KIF26B: variants seen among roughly 807,000 people sequenced by gnomAD.
KIF26B encodes the protein kinesin-like protein KIF26B.
Under a neutral mutation model 151.2 loss-of-function variants are expected in KIF26B, and 63 were observed. That is an observed-to-expected ratio of 0.42 (90% CI 0.34 to 0.51). KIF26B has a LOEUF of 0.51. Among genes scored for constraint, KIF26B ranks in the 20% least tolerant of loss-of-function variants. KIF26B has a pLI of 0.07. For synonymous variants in KIF26B, 1,357 were observed against 1,262.1 expected, an observed-to-expected ratio of 1.08 and a Z score of -1.59; for missense variants, 2,813 against 2,913.6, an observed-to-expected ratio of 0.97 and a Z score of 0.79.
chr1:245,443,607 C>G (rs112342743), intron 4 of KIF26B, among the ~76,000 whole-genome samples: 2 of 95,142 alleles, frequency 2.1e-5, no homozygotes, highest in African/African-American at 7.1e-5. Flanking sequence ...TCACCTAGAG[C>G]GGTCATCTCC....
chr1:245,528,399 CGCTGT>C (rs1256546111), intron 4 of KIF26B, among the ~76,000 whole-genome samples: 5 of 152,154 alleles, frequency 3.3e-5, no homozygotes, highest in Non-Finnish European at 5.9e-5. Flanking sequence ...GGATCCTGCC[CGCTGT>C]GCTTTCTCAA....
chr1:245,400,675 G>A (rs113344017), intron 3 of KIF26B, among the ~76,000 whole-genome samples: 5,170 of 152,160 alleles, frequency 0.034, 296 homozygotes, highest in African/African-American at 0.12. Flanking sequence ...TAAAAAGAAT[G>A]TAAAATATCT....
chr1:245,563,431 C>T lies in KIF26B; in HGVS notation c.1350+22481C>T, dbSNP rs889082215. 1.4e-4 allele frequency among the ~76,000 whole-genome samples: 22 copies of T among 152,276 alleles called. 1 individual carries two copies. The highest frequency in any genetic ancestry group is 1.1e-3 in the Admixed American group (17 of 15,288). ...TCTTTCGCATATACCCTCTTGCTCC[C>T]GAATCATTAAGAACTCCTGCCCATT... On this transcript the variant is annotated intron_variant, in intron 5 of 14. Coordinates refer to ENST00000407071, the MANE Select transcript of KIF26B (RefSeq NM_018012.4). The surrounding 1 kb of genome is among the most constrained non-coding windows in gnomAD (Gnocchi z 4.6).
At chr1:245,192,227 A>G (rs1470282061) in intron 2 of KIF26B, among the ~76,000 whole-genome samples, 5 of 151,104 alleles carry the variant, frequency 3.3e-5, no homozygotes, top group Non-Finnish European at 4.4e-5. Flanking sequence ...TAACATTTGT[A>G]AAATGTTTCC....
chr1:245,255,497 T>C (rs918081657), intron 2 of KIF26B, among the ~76,000 whole-genome samples: 1 of 152,222 alleles, frequency 6.6e-6, no homozygotes. Flanking sequence ...CCCTCCCTTA[T>C]TTTCACATGC....
intron 10 of KIF26B, among the ~76,000 whole-genome samples, chr1:245,663,042 T>C (rs2044174784): frequency 6.6e-6 from 1 of 151,712 alleles, no homozygotes; most frequent in African/African-American, 2.4e-5. Context: ...TCTCCATTCT[T>C]CCCTTCTGCT....
intron 4 of KIF26B, among the ~76,000 whole-genome samples, chr1:245,510,094 CCTT>C (rs1167145730): frequency 2.0e-5 from 3 of 152,138 alleles, no homozygotes; most frequent in African/African-American, 7.2e-5. Context: ...CGCCTCTCTA[CCTT>C]CTTCTCTTTT....
rs1172851570 is a variant in KIF26B at position 245,488,930 on chromosome 1, A to C, written c.1167-51837A>C. 2.6e-5 allele frequency among the ~76,000 whole-genome samples: 4 copies of C among 151,868 alleles called. No individual in the cohort carries two copies. The highest frequency in any genetic ancestry group is 2.0e-4 in the Admixed American group (3 of 15,238). On this transcript the variant is annotated intron_variant, in intron 4 of 14. Transcript: ENST00000407071. The surrounding 1 kb of genome is among the most constrained non-coding windows in gnomAD (Gnocchi z 4.6). ...TGATAAGATTAAAGCTCCTCTAGTGACTCTTAAGCCTCAGGCTCTTTTATT... is the reference window on the plus strand; with the variant it reads ...TGATAAGATTAAAGCTCCTCTAGTGCCTCTTAAGCCTCAGGCTCTTTTATT...
At chr1:245,327,623 G>A (rs11799428) in intron 2 of KIF26B, among the ~76,000 whole-genome samples, 15,883 of 152,170 alleles carry the variant, frequency 0.1, 1,488 homozygotes, top group African/African-American at 0.25. Flanking sequence ...CAATTCCCAT[G>A]TATTGAATGC....
rs1267142564 is a variant in KIF26B, at chr1:245,560,180, T to G, written c.1350+19230T>G. On this transcript the variant is annotated intron_variant, in intron 5 of 14. Transcript: ENST00000407071. This position sits in a 1 kb window ranked among gnomAD's most constrained non-coding sequence, Gnocchi z 4.3. ...TGGATGAAAGGGGCTGTATCTTACTTGCCCCTTTTTGCATTTATTCATGTG... is the reference window on the plus strand; with the variant it reads ...TGGATGAAAGGGGCTGTATCTTACTGGCCCCTTTTTGCATTTATTCATGTG... Among the ~76,000 whole-genome samples the G allele has an allele frequency of 6.6e-6, 1 of 152,162 alleles. No homozygotes were observed. The highest frequency in any genetic ancestry group is 1.5e-5 in the Non-Finnish European group (1 of 68,020).
At chr1:245,415,506 T>A (rs2103033947) in intron 3 of KIF26B, among the ~76,000 whole-genome samples, 1 of 152,214 alleles carries the variant, frequency 6.6e-6, no homozygotes, top group Middle Eastern at 3.4e-3. Flanking sequence ...TCCAAAGACC[T>A]GCATACCAGT....
intron 2 of KIF26B, among the ~76,000 whole-genome samples, chr1:245,173,695 A>G (rs1045791970): frequency 1.3e-5 from 2 of 152,172 alleles, no homozygotes; most frequent in Admixed American, 6.5e-5. Flanking sequence ...CTTGGAGGGA[A>G]AGGGGATGCT....
At chr1:245,679,947 C>A (rs915656560) in intron 10 of KIF26B, among the ~76,000 whole-genome samples, 1 of 152,128 alleles carries the variant, frequency 6.6e-6, no homozygotes, top group East Asian at 1.9e-4. Context: ...GCCCCCCAAC[C>A]CAAACCCCTC....
chr1:245,602,710 T>C lies in KIF26B; in HGVS notation c.1484T>C (p.Phe495Ser). The change falls in exon 6 of 15, where the codon TTC (phenylalanine) becomes TCC (serine). Residue 495 changes from phenylalanine (F) to serine (S), a missense_variant. By Grantham distance (155) the Phe-to-Ser change is radical. Around this residue, in one of 3 missense-constraint regions of KIF26B, gnomAD observed 676 missense variants for 688.1 expected, o/e 0.98. Coordinates refer to ENST00000407071, the MANE Select transcript of KIF26B (RefSeq NM_018012.4). The surrounding 1 kb of genome is among the most constrained non-coding windows in gnomAD (Gnocchi z 4.5). Reference protein sequence around the residue: ...DPLTCGGQNAFQKRGNQVPPK... With the variant: ...DPLTCGGQNASQKRGNQVPPK... ...CTGACTTGTGGAGGTCAAAATGCCTTCCAAAAGAGAGGCAACCAGGTTCCT... is the reference window on the plus strand; with the variant it reads ...CTGACTTGTGGAGGTCAAAATGCCTCCCAAAAGAGAGGCAACCAGGTTCCT... 3 of 1,614,008 alleles carry C rather than the reference T, an allele frequency of 1.9e-6. No individual in the cohort carries two copies. Among genetic ancestry groups the C allele is most frequent in the Non-Finnish European group, 2.5e-6 (3 of 1,179,884 alleles).
At chr1:245,333,170 GC>G (rs766895706) in intron 2 of KIF26B, among the ~76,000 whole-genome samples, 1 of 152,306 alleles carries the variant, frequency 6.6e-6, no homozygotes, top group South Asian at 2.1e-4. Context: ...GCCACGATTA[GC>G]CAAAAGAGGG....
At chr1:245,668,333 AC>A (rs1353370348) in intron 10 of KIF26B, among the ~76,000 whole-genome samples, 1 of 152,258 alleles carries the variant, frequency 6.6e-6, no homozygotes, top group Non-Finnish European at 1.5e-5. Flanking sequence ...TATCAAACGT[AC>A]CAACTTAAAA....
At chr1:245,376,952 T>G (rs566597518) in intron 3 of KIF26B, among the ~76,000 whole-genome samples, 1 of 152,042 alleles carries the variant, frequency 6.6e-6, no homozygotes, top group South Asian at 2.1e-4. Context: ...CCTCCCAAAG[T>G]GCTGGGATTA....
intron 3 of KIF26B, among the ~76,000 whole-genome samples, chr1:245,374,136 T>TATATATACAC (rs1297569545): frequency 2.4e-5 from 2 of 84,066 alleles, no homozygotes; most frequent in African/African-American, 8.6e-5. Context: ...TATATATATA[T>TATATATACAC]ATGGGCACAA....
chr1:245,647,905 G>C (rs1184466850), intron 10 of KIF26B, among the ~76,000 whole-genome samples: 1 of 152,146 alleles, frequency 6.6e-6, no homozygotes, highest in East Asian at 1.9e-4. Flanking sequence ...GGTTTTCCCG[G>C]CTCTTGTAAC....
Sources: gnomAD v4.1 joint callset for allele counts (sites outside exome capture counted in the v4.1 genomes callset) on GRCh38, gnomAD v4.1.1 for gene constraint, gnomAD v4.1.1 regional missense constraint, Gnocchi (gnomAD v3.1) non-coding constraint, MANE v1.5 for transcripts, NCBI Gene and HGNC (gene_info 2026-07-23, HGNC 2026-07-21) for gene names.